The following GPATCH2L variants were observed in gnomAD, a reference collection of about 807,000 sequenced individuals.
GPATCH2L encodes the protein G-patch domain containing 2 like.
Under a neutral mutation model 57.4 loss-of-function variants are expected in GPATCH2L, and 31 were observed. The observed-to-expected ratio is 0.54, with a 90% CI of 0.41 to 0.73. The LOEUF (loss-of-function observed/expected upper bound fraction) is 0.73, where lower values mean the gene tolerates loss of function less well. Among genes scored for constraint, GPATCH2L ranks in the 30% least tolerant of loss-of-function variants. GPATCH2L has a pLI of 0.00. For synonymous variants in GPATCH2L, 199 were observed against 210.7 expected, an observed-to-expected ratio of 0.94 and a Z score of 0.48; for missense variants, 481 against 599.9, an observed-to-expected ratio of 0.80 and a Z score of 2.07.
intron 1 of GPATCH2L, chr14:76,153,135 T>C (rs575453549): frequency 4.9e-6 from 1 of 205,336 alleles, no homozygotes; most frequent in Non-Finnish European, 1.0e-5. Context: ...ACTGTTTTCC[T>C]GTCTTTAAGT....
At chr14:76,161,726 A>G (rs1246004506) in intron 2 of GPATCH2L, among the ~76,000 whole-genome samples, 1 of 152,200 alleles carries the variant, frequency 6.6e-6, no homozygotes, top group East Asian at 1.9e-4. Flanking sequence ...TGCTGCAGAA[A>G]AAATTGCCCT....
intron 2 of GPATCH2L, chr14:76,229,954 G>GT (rs1343465704): frequency 6.6e-6 from 1 of 152,334 alleles, no homozygotes; most frequent in Non-Finnish European, 1.5e-5. Flanking sequence ...CTTTTCCCAG[G>GT]TAAGTCCAGT....
chr14:76,191,132 CTTG>C (rs146271311), intron 8 of GPATCH2L, among the ~76,000 whole-genome samples: 3,687 of 152,122 alleles, frequency 0.024, 163 homozygotes, highest in African/African-American at 0.084. Context: ...ACTCTCTATC[CTTG>C]TTGTTACTGC....
downstream of GPATCH2L, among the ~76,000 whole-genome samples, chr14:76,218,390 T>C (rs1595012281): frequency 6.6e-6 from 1 of 152,190 alleles, no homozygotes; most frequent in South Asian, 2.1e-4. Context: ...AGATACAATG[T>C]CTAATTTCAA....
intron 5 of GPATCH2L, chr14:76,173,863 G>C (rs1294935946): frequency 3.8e-6 from 2 of 522,328 alleles, no homozygotes; most frequent in African/African-American, 3.8e-5. Context: ...TGTCATTACA[G>C]TGTCTATTGC....
intron 3 of GPATCH2L, among the ~76,000 whole-genome samples, chr14:76,171,404 G>A (rs913290430): frequency 7.9e-5 from 12 of 152,020 alleles, no homozygotes; most frequent in African/African-American, 1.4e-4. Flanking sequence ...GCAAAACCCC[G>A]TCTCTACTAA....
intron 3 of GPATCH2L, among the ~76,000 whole-genome samples, chr14:76,167,947 A>T (rs2038918999): frequency 6.6e-6 from 1 of 152,212 alleles, no homozygotes. Context: ...AGATGGAAGA[A>T]AGTGTGGACC....
chr14:76,175,572 C>T (rs2139683213), intron 5 of GPATCH2L: 1 of 152,266 alleles, frequency 6.6e-6, no homozygotes, highest in Middle Eastern at 3.4e-3. Flanking sequence ...TCATTTTTCA[C>T]CCATCTTTTC....
intron 2 of GPATCH2L, among the ~76,000 whole-genome samples, chr14:76,161,034 T>A (rs2038558258): frequency 6.6e-6 from 1 of 152,226 alleles, no homozygotes; most frequent in African/African-American, 2.4e-5. Context: ...TATATTCTCA[T>A]TACTTATAGG....
At chr14:76,231,826 A>G (rs1401482839) in intron 2 of GPATCH2L, among the ~76,000 whole-genome samples, 2 of 152,228 alleles carry the variant, frequency 1.3e-5, no homozygotes, top group African/African-American at 2.4e-5. Context: ...TTTGAATTCT[A>G]CATGTATATA....
chr14:76,183,595 C>A (rs1389144122), intron 8 of GPATCH2L, among the ~76,000 whole-genome samples: 1 of 151,908 alleles, frequency 6.6e-6, no homozygotes, highest in Non-Finnish European at 1.5e-5. Flanking sequence ...TGAGGGTGCA[C>A]CTCAATAAAG....
chr14:76,167,614 T>C (rs11629333), intron 3 of GPATCH2L, among the ~76,000 whole-genome samples: 59,169 of 151,814 alleles, frequency 0.39, 13,976 homozygotes, highest in South Asian at 0.56. Flanking sequence ...CAGCATCTTG[T>C]TCATGCCTCG....
chr14:76,223,358 A>C (rs915143945), intron 1 of GPATCH2L, among the ~76,000 whole-genome samples: 2 of 152,238 alleles, frequency 1.3e-5, no homozygotes, highest in Non-Finnish European at 1.5e-5. Flanking sequence ...TCAACAAACT[A>C]TCTGGGACAA....
At chr14:76,226,691 C>T (rs2040537880) in intron 1 of GPATCH2L, among the ~76,000 whole-genome samples, 1 of 152,174 alleles carries the variant, frequency 6.6e-6, no homozygotes. Flanking sequence ...CCCCCTTCCA[C>T]CATCCGCTGT....
At chr14:76,158,643 C>T (rs953116515) in intron 2 of GPATCH2L, among the ~76,000 whole-genome samples, 1 of 152,156 alleles carries the variant, frequency 6.6e-6, no homozygotes, top group African/African-American at 2.4e-5. Context: ...TCAGGGTTTC[C>T]TGGAGCTGTG....
chr14:76,178,048 G>T lies in GPATCH2L; in HGVS notation c.1107+6G>T, dbSNP rs757227859. The T allele has an allele frequency of 1.3e-6, 2 of 1,591,850 alleles. No individual in the cohort carries two copies. The highest frequency in any genetic ancestry group is 1.1e-5 in the South Asian group (1 of 90,576). ...TTTCTGCTTGTGCACATGAGGTAAGGTTTCCTCTTTCTTGTTATTTTGATT... is the reference window on the plus strand; with the variant it reads ...TTTCTGCTTGTGCACATGAGGTAAGTTTTCCTCTTTCTTGTTATTTTGATT... On this transcript the variant is annotated splice_donor_region_variant and intron_variant, in intron 7 of 9. Coordinates refer to ENST00000261530, the MANE Select transcript of GPATCH2L (RefSeq NM_017926.4).
chr14:76,225,574 G>A (rs1426408279), intron 1 of GPATCH2L, among the ~76,000 whole-genome samples: 5 of 151,912 alleles, frequency 3.3e-5, no homozygotes, highest in Admixed American at 1.3e-4. Flanking sequence ...AATATCAAAA[G>A]CACTACCTAG....
intron 2 of GPATCH2L, among the ~76,000 whole-genome samples, chr14:76,159,573 A>G (rs1206104793): frequency 1.3e-5 from 2 of 152,020 alleles, no homozygotes; most frequent in Non-Finnish European, 2.9e-5. Context: ...AGATAGGATC[A>G]TCTAACCCTC....
intron 5 of GPATCH2L, chr14:76,174,633 A>G (rs1216819020): frequency 6.6e-6 from 1 of 151,958 alleles, no homozygotes; most frequent in Non-Finnish European, 1.5e-5. Context: ...ATTCAAGTTC[A>G]AATCTTTTTT....
Sources: gnomAD v4.1 joint callset for allele counts (sites outside exome capture counted in the v4.1 genomes callset) on GRCh38, gnomAD v4.1.1 for gene constraint, MANE v1.5 for transcripts, NCBI Gene and HGNC (gene_info 2026-07-23, HGNC 2026-07-21) for gene names.